STAC: variants seen among roughly 807,000 people sequenced by gnomAD.
The protein encoded by STAC is SH3 and cysteine rich domain.
STAC carries 43 observed loss-of-function variants against 48.8 expected under a neutral mutation model. The observed-to-expected ratio is 0.88, with a 90% CI of 0.69 to 1.14. STAC has a LOEUF of 1.14. Ranked by LOEUF, STAC falls within the 50% of genes most tolerant of loss-of-function variation. The pLI is 0.00. For missense variants in STAC, 497 were observed against 504.0 expected (o/e 0.99, Z 0.13); for synonymous variants, 193 against 179.5 (o/e 1.07, Z -0.60).
intron 2 of STAC, among the ~76,000 whole-genome samples, chr3:36,481,705 A>T (rs1219544471): frequency 6.6e-6 from 1 of 152,216 alleles, no homozygotes; most frequent in Non-Finnish European, 1.5e-5. Flanking sequence ...TGTTGGACTC[A>T]CCAACCCTTT....
intron 3 of STAC, among the ~76,000 whole-genome samples, chr3:36,484,548 GC>G (rs559589089): frequency 2.6e-5 from 4 of 152,210 alleles, no homozygotes; most frequent in Non-Finnish European, 5.9e-5. Flanking sequence ...ATATACAGGA[GC>G]TTTTAGGCCT....
intron 8 of STAC, among the ~76,000 whole-genome samples, chr3:36,520,330 G>T (rs1286116700): frequency 1.3e-5 from 2 of 152,106 alleles, no homozygotes; most frequent in African/African-American, 2.4e-5. Flanking sequence ...TGTCCTCCTG[G>T]ATTCTGATTA....
At chr3:36,404,811 T>A (rs62245727) in intron 1 of STAC, among the ~76,000 whole-genome samples, 12,496 of 152,068 alleles carry the variant, frequency 0.082, 554 homozygotes, top group African/African-American at 0.12. Context: ...CACAGAAATG[T>A]TTCTGGAATT....
chr3:36,512,319 C>T (rs1698561969), intron 8 of STAC, among the ~76,000 whole-genome samples: 1 of 152,080 alleles, frequency 6.6e-6, no homozygotes, highest in South Asian at 2.1e-4. Flanking sequence ...GCCTAGAATT[C>T]CTCGCTGGGA....
chr3:36,542,617 C>T, intron 10 of STAC, among the ~76,000 whole-genome samples: 1 of 152,082 alleles, frequency 6.6e-6, no homozygotes, highest in East Asian at 1.9e-4. Context: ...TGTTTCTTAC[C>T]CCATTGGCTA....
intron 2 of STAC, among the ~76,000 whole-genome samples, chr3:36,447,929 A>C (rs1168010883): frequency 6.6e-6 from 1 of 152,094 alleles, no homozygotes; most frequent in African/African-American, 2.4e-5. Flanking sequence ...TTTCACATAG[A>C]TCCTCTCCTT....
intron 5 of STAC, among the ~76,000 whole-genome samples, chr3:36,491,795 C>T (rs924795005): frequency 2.0e-5 from 3 of 150,986 alleles, no homozygotes; most frequent in Non-Finnish European, 4.4e-5. Flanking sequence ...AGGCAGATCA[C>T]CTGAGGTCAG....
intron 1 of STAC, among the ~76,000 whole-genome samples, chr3:36,437,045 T>A (rs1327189251): frequency 6.6e-6 from 1 of 151,798 alleles, no homozygotes; most frequent in African/African-American, 2.4e-5. Flanking sequence ...TCACTGGCCA[T>A]CAGAGAAATG....
intron 8 of STAC, among the ~76,000 whole-genome samples, chr3:36,513,086 C>G (rs917733944): frequency 1.3e-5 from 2 of 152,122 alleles, no homozygotes; most frequent in African/African-American, 2.4e-5. Context: ...AGCTTGAAGA[C>G]AAAGACGACC....
At chr3:36,421,729 G>T (rs1274423865) in intron 1 of STAC, among the ~76,000 whole-genome samples, 1 of 151,978 alleles carries the variant, frequency 6.6e-6, no homozygotes, top group East Asian at 1.9e-4. Flanking sequence ...TACCTTTACT[G>T]TGCATTCCAT....
chr3:36,486,682 A>G (rs1409818949), intron 5 of STAC, among the ~76,000 whole-genome samples: 3 of 152,116 alleles, frequency 2.0e-5, no homozygotes, highest in Non-Finnish European at 4.4e-5. Context: ...TTTTCTCTCT[A>G]AGAGAGGGCA....
chr3:36,420,222 A>T (rs1379768002), intron 1 of STAC, among the ~76,000 whole-genome samples: 2 of 152,152 alleles, frequency 1.3e-5, no homozygotes, highest in Non-Finnish European at 2.9e-5. Context: ...AGATTAAAAG[A>T]ACTGTAAAGT....
intron 8 of STAC, among the ~76,000 whole-genome samples, chr3:36,509,310 C>T (rs1282277245): frequency 6.6e-6 from 1 of 152,092 alleles, no homozygotes; most frequent in East Asian, 1.9e-4. Context: ...GGTAATCCAA[C>T]CTTTCTCTCT....
intron 2 of STAC, among the ~76,000 whole-genome samples, chr3:36,469,779 A>C (rs76122037): frequency 0.032 from 4,767 of 146,864 alleles, 225 homozygotes; most frequent in African/African-American, 0.11. Flanking sequence ...ATTTTTTTTT[A>C]TTTTTCTTTG....
chr3:36,438,156 C>T (rs1463714354), intron 1 of STAC, among the ~76,000 whole-genome samples: 1 of 152,170 alleles, frequency 6.6e-6, no homozygotes, highest in African/African-American at 2.4e-5. Flanking sequence ...AGGCTGGTCT[C>T]GAACTCCCAA....
intron 2 of STAC, among the ~76,000 whole-genome samples, chr3:36,468,302 G>A (rs1395710962): frequency 6.6e-6 from 1 of 151,960 alleles, no homozygotes; most frequent in Non-Finnish European, 1.5e-5. Flanking sequence ...ACTGAGACTT[G>A]TTTTGTGGCC....
chr3:36,529,860 G>A (rs924067406), intron 10 of STAC, among the ~76,000 whole-genome samples: 1 of 152,060 alleles, frequency 6.6e-6, no homozygotes, highest in Non-Finnish European at 1.5e-5. Context: ...GGTGGCTCAC[G>A]CCTGTAATCC....
At chr3:36,490,723 G>A (rs1697946151) in intron 5 of STAC, among the ~76,000 whole-genome samples, 2 of 152,174 alleles carry the variant, frequency 1.3e-5, no homozygotes, top group South Asian at 4.1e-4. Context: ...CAATGAACAT[G>A]TCAGCCTCCT....
At chr3:36,414,990 G>A (rs1157985197) in intron 1 of STAC, among the ~76,000 whole-genome samples, 2 of 152,224 alleles carry the variant, frequency 1.3e-5, no homozygotes, top group African/African-American at 4.8e-5. Context: ...AGCGAATATT[G>A]CTGAACAGCA....
Sources: allele counts gnomAD v4.1 joint callset (sites outside exome capture counted in the v4.1 genomes callset), GRCh38; gene constraint gnomAD v4.1.1; transcripts MANE v1.5; gene names NCBI Gene and HGNC (gene_info 2026-07-23, HGNC 2026-07-21).